The following ASPRV1 variants were observed in gnomAD, a reference collection of about 807,000 sequenced individuals.
ASPRV1 encodes the protein aspartic peptidase retroviral like 1.
Under a neutral mutation model 11.0 loss-of-function variants are expected in ASPRV1, and 7 were observed. The ratio of observed to expected loss-of-function variants is 0.64; its 90% CI spans 0.36 to 1.20. The LOEUF (loss-of-function observed/expected upper bound fraction) is 1.20. Ranked by LOEUF, ASPRV1 falls within the 50% of genes most tolerant of loss-of-function variation. The pLI is 0.02. For missense variants in ASPRV1, 299 were observed against 320.0 expected (o/e 0.93, Z 0.50); for synonymous variants, 136 against 138.4 (o/e 0.98, Z 0.12).
At chr2:70,000,788 C>CAAAAAAAAAAAAAAAAAAAAAAAAA in the ASPRV1 span, among the ~76,000 whole-genome samples, 21 of 42,038 alleles carry the variant, frequency 5.0e-4, no homozygotes, top group East Asian at 7.0e-4. Context: ...GACCCTGCCT[C>CAAAAAAAAAAAAAAAAAAAAAAAAA]AAAAAAAAAA....
At chr2:70,037,754 A>G in the ASPRV1 span, among the ~76,000 whole-genome samples, 1 of 151,912 alleles carries the variant, frequency 6.6e-6, no homozygotes, top group Non-Finnish European at 1.5e-5. Flanking sequence ...CTAATTCATC[A>G]CACATTTTCC....
At chr2:69,934,428 G>A in the ASPRV1 span, among the ~76,000 whole-genome samples, 1 of 152,170 alleles carries the variant, frequency 6.6e-6, no homozygotes, top group Non-Finnish European at 1.5e-5. Flanking sequence ...TCTTCAGTCA[G>A]TTGCCGTGGC....
At position 69,960,594 on chromosome 2, in the gene ASPRV1, A is replaced by ACC. The variant is rs376718316; in HGVS notation, c.*62_*63insGG. 41 of 1,470,668 alleles carry ACC rather than the reference A, an allele frequency of 2.8e-5. No individual in the cohort carries two copies. The African/African-American group carries it at 5.2e-4, about 19-fold the overall frequency. 91.1% of individuals were successfully genotyped at this position (1,470,668 alleles called of 1,614,324 possible). ...CCCAGTGACCCCCATGAGGATATGC[A>ACC]ACCCCCCCCACAGCGGTGGGTCTTC... On this transcript the variant is annotated 3_prime_UTR_variant, in exon 1 of 1. Coordinates refer to ENST00000320256, the MANE Select transcript of ASPRV1 (RefSeq NM_152792.4).
chr2:69,949,270 T>TGAATGAAA, the ASPRV1 span, among the ~76,000 whole-genome samples: 2 of 151,376 alleles, frequency 1.3e-5, no homozygotes, highest in African/African-American at 4.9e-5. Flanking sequence ...AATGAATGAA[T>TGAATGAAA]GAATGAATGA....
the ASPRV1 span, among the ~76,000 whole-genome samples, chr2:69,986,386 A>G: frequency 6.6e-6 from 1 of 152,230 alleles, no homozygotes; most frequent in Admixed American, 6.5e-5. Context: ...CCCCTCGCTC[A>G]GAGAGACACA....
At chr2:69,993,412 A>G in the ASPRV1 span, 2 of 152,262 alleles carry the variant, frequency 1.3e-5, no homozygotes, top group African/African-American at 4.8e-5. Context: ...TCACAAACTC[A>G]TGTGGGTGAA....
the ASPRV1 span, among the ~76,000 whole-genome samples, chr2:70,005,300 T>A: frequency 6.6e-6 from 1 of 152,118 alleles, no homozygotes. Flanking sequence ...GCTCAGGCAA[T>A]CTTCCCACCT....
the ASPRV1 span, among the ~76,000 whole-genome samples, chr2:69,983,475 A>G: frequency 3.3e-5 from 5 of 152,224 alleles, no homozygotes; most frequent in African/African-American, 1.2e-4. Flanking sequence ...GGGAGGGACC[A>G]GAAGGCAGGA....
the ASPRV1 span, among the ~76,000 whole-genome samples, chr2:70,006,893 T>C: frequency 1.1e-4 from 16 of 152,202 alleles, no homozygotes; most frequent in African/African-American, 3.6e-4. Context: ...AGAGGGGCTG[T>C]GGCATACTAA....
chr2:69,946,911 G>C, the ASPRV1 span, among the ~76,000 whole-genome samples: 1 of 152,202 alleles, frequency 6.6e-6, no homozygotes, highest in African/African-American at 2.4e-5. Context: ...CTCTCATAGA[G>C]AGACCAGATC....
chr2:69,937,445 G>A, the ASPRV1 span: 1 of 1,368,144 alleles, frequency 7.3e-7, no homozygotes, highest in Non-Finnish European at 9.7e-7. Flanking sequence ...CCCAACCCCA[G>A]AGCAGGGGTT....
At chr2:70,061,049 T>C in the ASPRV1 span, among the ~76,000 whole-genome samples, 440 of 152,200 alleles carry the variant, frequency 2.9e-3, 17 homozygotes, top group East Asian at 0.077. Context: ...TTTCTTTATA[T>C]AGAGCGGCCA....
the ASPRV1 span, among the ~76,000 whole-genome samples, chr2:69,984,181 G>T: frequency 6.6e-6 from 1 of 152,116 alleles, no homozygotes; most frequent in Admixed American, 6.6e-5. Flanking sequence ...TGGGATTACA[G>T]GGGTGCACCA....
At chr2:70,061,589 G>A in the ASPRV1 span, among the ~76,000 whole-genome samples, 1 of 152,092 alleles carries the variant, frequency 6.6e-6, no homozygotes, top group Non-Finnish European at 1.5e-5. Flanking sequence ...TGAGACTTGA[G>A]AAACATGCAA....
chr2:69,982,144 C>T, the ASPRV1 span, among the ~76,000 whole-genome samples: 1 of 152,176 alleles, frequency 6.6e-6, no homozygotes, highest in African/African-American at 2.4e-5. Context: ...AGGATCTACT[C>T]TTCAGAGCTA....
At chr2:69,938,387 G>A in the ASPRV1 span, 1 of 1,264,510 alleles carries the variant, frequency 7.9e-7, no homozygotes, top group Admixed American at 2.3e-5. Flanking sequence ...AAACTTCAGT[G>A]TCCCACCTTG....
At chr2:69,935,310 CTG>C in the ASPRV1 span, 1 of 1,465,180 alleles carries the variant, frequency 6.8e-7, no homozygotes, top group South Asian at 1.1e-5. Flanking sequence ...TTCTGGCCCA[CTG>C]TGAAACTCTC....
the ASPRV1 span, chr2:70,063,776 T>C: frequency 6.6e-6 from 1 of 152,222 alleles, no homozygotes; most frequent in Admixed American, 6.5e-5. Context: ...TGATCCTTTC[T>C]ATAATCCAAA....
chr2:69,938,010 G>A, the ASPRV1 span: 3 of 1,318,244 alleles, frequency 2.3e-6, no homozygotes, highest in African/African-American at 2.9e-5. Context: ...GCCTCCCAAA[G>A]TGCTGGGATT....
Sources: gnomAD v4.1 joint callset for allele counts (sites outside exome capture counted in the v4.1 genomes callset) on GRCh38, gnomAD v4.1.1 for gene constraint, MANE v1.5 for transcripts, NCBI Gene and HGNC (gene_info 2026-07-23, HGNC 2026-07-21) for gene names.